DMRTA2: variants seen among roughly 807,000 people sequenced by gnomAD.
The protein encoded by DMRTA2 is DMRT like family A2.
DMRTA2 carries 10 observed loss-of-function variants against 29.7 expected under a neutral mutation model. The observed-to-expected ratio is 0.34, with a 90% CI of 0.21 to 0.57. The LOEUF is 0.57. Ranked by LOEUF, DMRTA2 falls within the 20% of genes least tolerant of loss-of-function variation. The pLI is 0.87. For missense variants in DMRTA2, 783 were observed against 812.1 expected, an observed-to-expected ratio of 0.96 and a Z score of 0.44; for synonymous variants, 469 against 402.6, an observed-to-expected ratio of 1.16 and a Z score of -1.97.
chr1:50,419,895 T>C lies in DMRTA2; in HGVS notation c.560-161A>G, dbSNP rs563713177. Among the ~76,000 whole-genome samples the C allele has an allele frequency of 2.6e-5, 4 of 152,168 alleles. No homozygotes were observed. Among genetic ancestry groups the C allele is most frequent in the Non-Finnish European group, 5.9e-5 (4 of 67,990 alleles). ...CTTTTTGCTCTAGCATTCCTTCCGC[T>C]CTGAGCCCCTACAGCCCTGACCCCA... On this transcript the variant is annotated intron_variant, in intron 2 of 2. Coordinates refer to ENST00000404795, the MANE Select transcript of DMRTA2 (RefSeq NM_032110.3). This position sits in a 1 kb window ranked among gnomAD's most constrained non-coding sequence, Gnocchi z 6.1.
In DMRTA2 at chr1:50,418,702, T is replaced by C. The variant is rs547763394; in HGVS notation, c.1592A>G (p.Tyr531Cys). The change falls in exon 3 of 3, where the codon TAC becomes TGC. Residue 531 changes from tyrosine (Y) to cysteine (C), a missense_variant. Tyr to Cys is a radical substitution (Grantham distance 194). Around this residue, in one of 3 missense-constraint regions of DMRTA2, gnomAD observed 667 missense variants for 624.8 expected, o/e 1.07. Coordinates refer to ENST00000404795, the MANE Select transcript of DMRTA2 (RefSeq NM_032110.3). ...CGGAGCGCCGTTGACCATAGGCCCG[T>C]ACAGGCCGCCGCCGTAGGTCGGCTC... is the stretch of plus-strand genomic sequence containing the variant. Reference protein sequence around the residue: ...HKEPTYGGGLYGPMVNGAPEK... With the variant: ...HKEPTYGGGLCGPMVNGAPEK... 1.3e-6 allele frequency: 2 copies of C among 1,493,930 alleles called. No individual in the cohort carries two copies. Among genetic ancestry groups the C allele is most frequent in the East Asian group, 2.7e-5 (1 of 36,540 alleles). The allele number at this position is 1,493,930 out of a possible 1,614,324, so 92.5% of individuals were successfully genotyped here.
At position 50,419,680 on chromosome 1, in the gene DMRTA2, C is replaced by A; in HGVS notation, c.614G>T (p.Arg205Leu). The A allele has an allele frequency of 2.0e-6, 3 of 1,497,316 alleles. No homozygotes were observed. The highest frequency in any genetic ancestry group is 2.7e-6 in the Non-Finnish European group (3 of 1,127,680). The allele number at this position is 1,497,316 out of a possible 1,614,324, so 92.8% of individuals were successfully genotyped here. The change falls in exon 3 of 3, where the codon CGC becomes CTC. Residue 205 changes from arginine to leucine, a missense_variant. Physicochemically the swap from Arg to Leu is moderately radical, Grantham distance 102. Around this residue, in one of 3 missense-constraint regions of DMRTA2, gnomAD observed 667 missense variants for 624.8 expected, o/e 1.07. Coordinates refer to ENST00000404795, the MANE Select transcript of DMRTA2 (RefSeq NM_032110.3). This position sits in a 1 kb window ranked among gnomAD's most constrained non-coding sequence, Gnocchi z 6.1. ...CGGCGGCGGCAGCGGGCTGCCCGGGCGGCCTGCCTGCAGCAGCGTCTTAGG... is the reference window on the plus strand; with the variant it reads ...CGGCGGCGGCAGCGGGCTGCCCGGGAGGCCTGCCTGCAGCAGCGTCTTAGG... ...LFPKTLLQAG[R>L]PGSPLPPPVK...
At position 50,419,150 on chromosome 1, in the gene DMRTA2, C is replaced by T. The variant is rs756095884; in HGVS notation, c.1144G>A (p.Ala382Thr). Residue 382 changes from alanine to threonine, a missense_variant, in exon 3 of 3, where the codon GCG becomes ACG. Ala to Thr is a moderately conservative substitution (Grantham distance 58). Coordinates refer to ENST00000404795, the MANE Select transcript of DMRTA2 (RefSeq NM_032110.3). The surrounding 1 kb of genome is among the most constrained non-coding windows in gnomAD (Gnocchi z 6.1). ...GCGGCGTCGACGCGGCTGGGCCACG[C>T]GTCGTCTGCAGCTGCTGCAGCACCC... Reference protein sequence around the residue: ...AVGAAAAADDAWPSRVDAAAA... With the variant: ...AVGAAAAADDTWPSRVDAAAA... 1.3e-4 allele frequency: 158 copies of T among 1,250,804 alleles called. 1 individual carries two copies. In the African/African-American group the frequency reaches 2.4e-3, roughly 19 times the overall value. The allele number at this position is 1,250,804 out of a possible 1,614,324, so 77.5% of individuals were successfully genotyped here. A position where few individuals can be genotyped will look rare whatever the true frequency, so the allele number is the denominator to read the frequency against.
rs1361004505 is a variant in DMRTA2 at position 50,421,510 on chromosome 1, G to A, written c.27C>T (p.Ser9=). Residue 9 remains serine (S), a synonymous_variant, in exon 2 of 3, where the codon AGC becomes AGT. Transcript: ENST00000404795. This position sits in a 1 kb window ranked among gnomAD's most constrained non-coding sequence, Gnocchi z 8.7. MELRSELP[S]VPGAATAAAA... is the part of the protein sequence containing the mutation. ...CCGCCGCCGTCGCCGCGCCGGGCAC[G>A]CTGGGCAGCTCCGAGCGCAGCTCCA... is the stretch of plus-strand genomic sequence containing the variant. 2 of 1,271,288 alleles carry A rather than the reference G, an allele frequency of 1.6e-6. No individual in the cohort carries two copies. The highest frequency in any genetic ancestry group is 3.1e-5 in the East Asian group (1 of 31,770). The allele number at this position is 1,271,288 out of a possible 1,614,324, so 78.8% of individuals were successfully genotyped here.
In DMRTA2 at chr1:50,419,154, G is replaced by C; in HGVS notation, c.1140C>G (p.Asp380Glu). The C allele has an allele frequency of 8.2e-7, 1 of 1,224,936 alleles. No individual in the cohort carries two copies. The highest frequency in any genetic ancestry group is 1.0e-6 in the Non-Finnish European group (1 of 985,278). 75.9% of individuals were successfully genotyped at this position (1,224,936 alleles called of 1,614,324 possible). The change falls in exon 3 of 3, where the codon GAC (aspartate) becomes GAG (glutamate). Residue 380 changes from aspartate (D) to glutamate (E), a missense_variant. This residue lies in a region of DMRTA2 where 667 missense variants were observed against 624.8 expected (regional missense o/e 1.07). Coordinates refer to ENST00000404795, the MANE Select transcript of DMRTA2 (RefSeq NM_032110.3). This position sits in a 1 kb window ranked among gnomAD's most constrained non-coding sequence, Gnocchi z 6.1. ...CGTCGACGCGGCTGGGCCACGCGTC[G>C]TCTGCAGCTGCTGCAGCACCCACGG... ...KAAVGAAAAA[D>E]DAWPSRVDAA... is the part of the protein sequence containing the mutation.
chr1:50,419,513 C>A lies in DMRTA2; in HGVS notation c.781G>T (p.Gly261Cys). Residue 261 changes from glycine to cysteine, a missense_variant, in exon 3 of 3, where the codon GGC becomes TGC. Coordinates refer to ENST00000404795, the MANE Select transcript of DMRTA2 (RefSeq NM_032110.3). The surrounding 1 kb of genome is among the most constrained non-coding windows in gnomAD (Gnocchi z 6.1). ...PLARASKEAG[G>C]SCPGSAGPGG... ...GGGCCAGCGCTGCCTGGGCAGCTGC[C>A]ACCTGCCTCTTTGGAGGCCCGAGCT... 1.9e-6 allele frequency: 3 copies of A among 1,588,836 alleles called. No individual in the cohort carries two copies. Among genetic ancestry groups the A allele is most frequent in the Non-Finnish European group, 2.6e-6 (3 of 1,170,974 alleles).
Position 50,422,844 on chromosome 1 carries a change from C to T in DMRTA2, c.-9+272G>A, listed in dbSNP as rs991340888. Among the ~76,000 whole-genome samples the T allele has an allele frequency of 6.6e-6, 1 of 152,202 alleles. No homozygotes were observed. Reference sequence around the variant, plus strand: ...TGGCCATAAACGGACACCAGAGTCCCTCCCACGCCGCAGCCCCATAAGGCC... The same window carrying T: ...TGGCCATAAACGGACACCAGAGTCCTTCCCACGCCGCAGCCCCATAAGGCC... On this transcript the variant is annotated intron_variant, in intron 1 of 2. Transcript: ENST00000404795. This position sits in a 1 kb window ranked among gnomAD's most constrained non-coding sequence, Gnocchi z 5.7.
chr1:50,421,515 G>A lies in DMRTA2; in HGVS notation c.22C>T (p.Pro8Ser). Residue 8 changes from proline to serine, a missense_variant, in exon 2 of 3, where the codon CCC becomes TCC. Transcript: ENST00000404795. The surrounding 1 kb of genome is among the most constrained non-coding windows in gnomAD (Gnocchi z 8.7). Reference protein sequence around the residue: MELRSELPSVPGAATAAA... With the variant: MELRSELSSVPGAATAAA... ...GCCGTCGCCGCGCCGGGCACGCTGGGCAGCTCCGAGCGCAGCTCCATGACA... is the reference window on the plus strand; with the variant it reads ...GCCGTCGCCGCGCCGGGCACGCTGGACAGCTCCGAGCGCAGCTCCATGACA... 7.9e-7 allele frequency: 1 copy of A among 1,264,738 alleles called. No homozygotes were observed. The highest frequency in any genetic ancestry group is 9.9e-7 in the Non-Finnish European group (1 of 1,010,902). 78.3% of individuals were successfully genotyped at this position (1,264,738 alleles called of 1,614,324 possible).
rs1646015836 is a variant in DMRTA2, at chr1:50,419,178, G to A, written c.1116C>T (p.Ala372=). 3 of 1,194,962 alleles carry A rather than the reference G, an allele frequency of 2.5e-6. No homozygotes were observed. The highest frequency in any genetic ancestry group is 4.8e-5 in the Admixed American group (1 of 20,654). 74.0% of individuals were successfully genotyped at this position (1,194,962 alleles called of 1,614,324 possible). ...LGPAAPPDKA[A]VGAAAAADDA... ...CGTCTGCAGCTGCTGCAGCACCCAC[G>A]GCGGCCTTATCTGGGGGCGCCGCAG... The change falls in exon 3 of 3, where the codon GCC becomes GCT. Residue 372 remains alanine, a synonymous_variant. Transcript: ENST00000404795. This position sits in a 1 kb window ranked among gnomAD's most constrained non-coding sequence, Gnocchi z 6.1.
At position 50,418,792 on chromosome 1, in the gene DMRTA2, A is replaced by C. The variant is rs763570064; in HGVS notation, c.1502T>G (p.Met501Arg). Residue 501 changes from methionine to arginine, a missense_variant, in exon 3 of 3, where the codon ATG becomes AGG. By Grantham distance (91) the Met-to-Arg change is moderately conservative. Around this residue, in one of 3 missense-constraint regions of DMRTA2, gnomAD observed 667 missense variants for 624.8 expected, o/e 1.07. Transcript: ENST00000404795. ...LVPTLGFRPP[M>R]DYAFSDLMRD... ...CATGAGATCGCTAAAGGCGTAGTCC[A>C]TGGGTGGGCGGAAGCCGAGCGTGGG... The C allele has an allele frequency of 2.5e-6, 4 of 1,588,250 alleles. No individual in the cohort carries two copies. The African/African-American group carries it at 5.5e-5, about 22-fold the overall frequency.
rs1442832725 is a variant in DMRTA2 at position 50,419,125 on chromosome 1, G to A, written c.1169C>T (p.Ala390Val). 2 of 1,098,214 alleles carry A rather than the reference G, an allele frequency of 1.8e-6. No individual in the cohort carries two copies. The highest frequency in any genetic ancestry group is 2.3e-6 in the Non-Finnish European group (2 of 881,996). The allele number at this position is 1,098,214 out of a possible 1,614,324, so 68.0% of individuals were successfully genotyped here. Residue 390 changes from alanine to valine, a missense_variant, in exon 3 of 3, where the codon GCC becomes GTC. Transcript: ENST00000404795. The surrounding 1 kb of genome is among the most constrained non-coding windows in gnomAD (Gnocchi z 6.1). ...CCCGGCGGCGGCGGCGGCGGCGGCG[G>A]CGGCGTCGACGCGGCTGGGCCACGC... ...DDAWPSRVDAAAAAAAAAGGP... is the reference protein window; with the variant it reads ...DDAWPSRVDAVAAAAAAAGGP...
rs1646043833 is a variant in DMRTA2 at position 50,422,234 on chromosome 1, C to T, written c.-8-690G>A. 6.6e-6 allele frequency among the ~76,000 whole-genome samples: 1 copy of T among 152,182 alleles called. No individual in the cohort carries two copies. The highest frequency in any genetic ancestry group is 6.5e-5 in the Admixed American group (1 of 15,280). On this transcript the variant is annotated intron_variant, in intron 1 of 2. Transcript: ENST00000404795. This position sits in a 1 kb window ranked among gnomAD's most constrained non-coding sequence, Gnocchi z 5.7. ...ACTTGGGCAAAGTTAGGCCCAGTGGCTCTGGGACCCGTAAAAATGTGAGCG... is the reference window on the plus strand; with the variant it reads ...ACTTGGGCAAAGTTAGGCCCAGTGGTTCTGGGACCCGTAAAAATGTGAGCG...
rs1258636522 is a variant in DMRTA2 at position 50,419,477 on chromosome 1, C to T, written c.817G>A (p.Gly273Ser). 1.6e-5 allele frequency: 26 copies of T among 1,594,870 alleles called. No homozygotes were observed. The highest frequency in any genetic ancestry group is 2.2e-5 in the Non-Finnish European group (26 of 1,175,820). ...GCGGAGCCCGGGCTGTCCTCCTCGC[C>T]GCCGCCGCCAGGGCCAGCGCTGCCT... is the stretch of plus-strand genomic sequence containing the variant. ...CPGSAGPGGG[G>S]EEDSPGSASP... Residue 273 changes from glycine to serine, a missense_variant, in exon 3 of 3, where the codon GGC (glycine) becomes AGC (serine). Around this residue, in one of 3 missense-constraint regions of DMRTA2, gnomAD observed 667 missense variants for 624.8 expected, o/e 1.07. Coordinates refer to ENST00000404795, the MANE Select transcript of DMRTA2 (RefSeq NM_032110.3). This position sits in a 1 kb window ranked among gnomAD's most constrained non-coding sequence, Gnocchi z 6.1.
chr1:50,420,980 G>T lies in DMRTA2; in HGVS notation c.557C>A (p.Ser186Ter). 1 of 1,493,590 alleles carries T rather than the reference G, an allele frequency of 6.7e-7. No individual in the cohort carries two copies. 92.5% of individuals were successfully genotyped at this position (1,493,590 alleles called of 1,614,324 possible). A position where few individuals can be genotyped will look rare whatever the true frequency, so the allele number is the denominator to read the frequency against. ...CTGCGGCCTGGCCGCGCTCTCACCT[G>T]AGCCCCCTGCGCCAGCTGCTCCGCC... ...TGGGAAGAGG[S>*]EAKLQKFDLF... is the part of the protein sequence containing the mutation. Residue 186 changes from serine (S) to a stop codon, truncating the protein, a stop_gained and splice_region_variant, in exon 2 of 3, where the codon TCA becomes TAA. Transcript: ENST00000404795. LOFTEE classifies it high-confidence loss of function. This position sits in a 1 kb window ranked among gnomAD's most constrained non-coding sequence, Gnocchi z 4.1.
rs903811154 is a variant in DMRTA2, at chr1:50,422,916, C to T, written c.-9+200G>A. On this transcript the variant is annotated intron_variant, in intron 1 of 2. Transcript: ENST00000404795. The surrounding 1 kb of genome is among the most constrained non-coding windows in gnomAD (Gnocchi z 5.7). ...TTCTGCCGCGGTCTCCTCTGCTTCC[C>T]GCGTTCCCCGTCCCTGCCAGAGCCC... Among the ~76,000 whole-genome samples the T allele has an allele frequency of 6.6e-6, 1 of 152,238 alleles. No individual in the cohort carries two copies. The highest frequency in any genetic ancestry group is 2.4e-5 in the African/African-American group (1 of 41,470).
Position 50,418,745 on chromosome 1 carries a change from C to A in DMRTA2, c.1549G>T (p.Ala517Ser). ...GTCGGCTCCTTGTGCACCGCCGCAGCAGCGGCGGCCGAGCGGTCACGCATG... is the reference window on the plus strand; with the variant it reads ...GTCGGCTCCTTGTGCACCGCCGCAGAAGCGGCGGCCGAGCGGTCACGCATG... Reference protein sequence around the residue: ...DLMRDRSAAAAAAVHKEPTYG... With the variant: ...DLMRDRSAAASAAVHKEPTYG... Residue 517 changes from alanine (A) to serine (S), a missense_variant, in exon 3 of 3, where the codon GCT becomes TCT. Physicochemically the swap from Ala to Ser is moderately conservative, Grantham distance 99. This residue lies in a region of DMRTA2 where 667 missense variants were observed against 624.8 expected (regional missense o/e 1.07). Transcript: ENST00000404795. 1 of 1,559,380 alleles carries A rather than the reference C, an allele frequency of 6.4e-7. No individual in the cohort carries two copies. Among genetic ancestry groups the A allele is most frequent in the Non-Finnish European group, 8.6e-7 (1 of 1,157,058 alleles).
At position 50,417,946 on chromosome 1, in the gene DMRTA2, A is replaced by G. The variant is rs989488279; in HGVS notation, c.*719T>C. The G allele has an allele frequency of 6.6e-6, 1 of 152,114 alleles. No homozygotes were observed. The highest frequency in any genetic ancestry group is 1.5e-5 in the Non-Finnish European group (1 of 68,016). The allele number at this position is 152,114 out of a possible 1,614,324, so 9.4% of individuals were successfully genotyped here. A position where few individuals can be genotyped will look rare whatever the true frequency, so the allele number is the denominator to read the frequency against. ...ATACCGAGGTCACCTACAGATTACA[A>G]TTAATAACTTAGAATTCCATTTTAT... On this transcript the variant is annotated 3_prime_UTR_variant, in exon 3 of 3. Transcript: ENST00000404795.
In DMRTA2 at chr1:50,421,408, C is replaced by T. The variant is rs1187606420; in HGVS notation, c.129G>A (p.Pro43=). 7.0e-7 allele frequency: 1 copy of T among 1,437,604 alleles called. No individual in the cohort carries two copies. Among genetic ancestry groups the T allele is most frequent in the Non-Finnish European group, 9.1e-7 (1 of 1,095,732 alleles). 89.1% of individuals were successfully genotyped at this position (1,437,604 alleles called of 1,614,324 possible). A position where few individuals can be genotyped will look rare whatever the true frequency, so the allele number is the denominator to read the frequency against. ...AAAAAAAASL[P]VSVAGGLLRG... is the part of the protein sequence containing the mutation. ...GCAGCAAGCCGCCTGCCACGCTCAC[C>T]GGTAGCGATGCAGCGGCCGCCGCGG... The change falls in exon 2 of 3, where the codon CCG becomes CCA. Residue 43 remains proline, a synonymous_variant. Coordinates refer to ENST00000404795, the MANE Select transcript of DMRTA2 (RefSeq NM_032110.3). This position sits in a 1 kb window ranked among gnomAD's most constrained non-coding sequence, Gnocchi z 8.7.
chr1:50,419,317 C>A lies in DMRTA2; in HGVS notation c.977G>T (p.Gly326Val). Reference sequence around the variant, plus strand: ...CAGCTCCAGGACGCCTCGCCGGTGGCCTGGGAACACGCGTGTCAAGATATC... The same window carrying A: ...CAGCTCCAGGACGCCTCGCCGGTGGACTGGGAACACGCGTGTCAAGATATC... The part of the protein sequence containing the change: ...PLDILTRVFP[G>V]HRRGVLELVL... Residue 326 changes from glycine to valine, a missense_variant, in exon 3 of 3, where the codon GGC becomes GTC. By Grantham distance (109) the Gly-to-Val change is moderately radical. Transcript: ENST00000404795. This position sits in a 1 kb window ranked among gnomAD's most constrained non-coding sequence, Gnocchi z 6.1. The A allele has an allele frequency of 6.3e-7, 1 of 1,596,408 alleles. No homozygotes were observed. Among genetic ancestry groups the A allele is most frequent in the Non-Finnish European group, 8.5e-7 (1 of 1,178,900 alleles).
Sources: gnomAD v4.1 joint callset for allele counts (sites outside exome capture counted in the v4.1 genomes callset) on GRCh38, gnomAD v4.1.1 for gene constraint, gnomAD v4.1.1 regional missense constraint, Gnocchi (gnomAD v3.1) non-coding constraint, MANE v1.5 for transcripts, NCBI Gene and HGNC (gene_info 2026-07-23, HGNC 2026-07-21) for gene names.